Variants in B3GALT1 observed in about 807,000 individuals in gnomAD.
The protein encoded by B3GALT1 is UDP-Gal:betaGlcNAc beta 1,3-galactosyltransferase, polypeptide 1.
In B3GALT1, 10 loss-of-function variants were observed where a neutral mutation model predicts 23.2. The ratio of observed to expected loss-of-function variants is 0.43; its 90% CI spans 0.27 to 0.73. B3GALT1 has a LOEUF of 0.73. B3GALT1 is among the 30% of genes least tolerant of loss of function. The pLI is 0.21. For synonymous variants in B3GALT1, 156 were observed against 141.5 expected (o/e 1.10, Z -0.73); for missense variants, 299 against 405.4 (o/e 0.74, Z 2.25).
Position 167,757,404 on chromosome 2 carries a change from C to T in B3GALT1, c.-351-61268C>T, listed in dbSNP as rs7592482. Among the ~76,000 whole-genome samples, 874 of 152,234 alleles carry T rather than the reference C, an allele frequency of 5.7e-3. 7 individuals carry two copies. Among genetic ancestry groups the T allele is most frequent in the African/African-American group, 0.02 (829 of 41,542 alleles). On this transcript the variant is annotated intron_variant, in intron 3 of 4. Coordinates refer to ENST00000392690, the MANE Select transcript of B3GALT1 (RefSeq NM_020981.4). Reference sequence around the variant, plus strand: ...CTCAAGTTTCTGAAAGTACAGGTACCTTGCAATGTTCAATATTTGGTTAGG... The same window carrying T: ...CTCAAGTTTCTGAAAGTACAGGTACTTTGCAATGTTCAATATTTGGTTAGG...
At chr2:167,755,449 C>G (rs897889149) in intron 3 of B3GALT1, among the ~76,000 whole-genome samples, 5 of 149,522 alleles carry the variant, frequency 3.3e-5, no homozygotes, top group African/African-American at 9.8e-5. Context: ...CATTTCTTCC[C>G]GAGAATTCTA....
intron 2 of B3GALT1, among the ~76,000 whole-genome samples, chr2:167,515,566 G>C (rs1359934377): frequency 6.6e-6 from 1 of 152,100 alleles, no homozygotes; most frequent in Non-Finnish European, 1.5e-5. Context: ...CATCAGGGAT[G>C]ATGTGTTGCT....
chr2:167,438,791 C>A (rs1282542599), intron 1 of B3GALT1, among the ~76,000 whole-genome samples: 2 of 152,200 alleles, frequency 1.3e-5, no homozygotes, highest in Admixed American at 6.5e-5. Context: ...CTGTTCTCAT[C>A]CTTACTTTTC....
intron 1 of B3GALT1, among the ~76,000 whole-genome samples, chr2:167,363,836 C>A (rs1697540154): frequency 6.6e-6 from 1 of 151,968 alleles, no homozygotes; most frequent in African/African-American, 2.4e-5. Flanking sequence ...AGAGAATAAA[C>A]ACTGAATCCA....
intron 2 of B3GALT1, among the ~76,000 whole-genome samples, chr2:167,611,515 C>CA (rs1685066276): frequency 6.6e-6 from 1 of 151,810 alleles, no homozygotes. Context: ...GCATTAAACG[C>CA]AAAAACCAGC....
chr2:167,562,644 G>C (rs1405732768), intron 2 of B3GALT1, among the ~76,000 whole-genome samples: 1 of 136,106 alleles, frequency 7.3e-6, no homozygotes, highest in Admixed American at 7.6e-5. Context: ...AAAATCACAA[G>C]CATTCTTTTT....
chr2:167,404,387 A>G (rs985744613), intron 1 of B3GALT1, among the ~76,000 whole-genome samples: 1 of 152,170 alleles, frequency 6.6e-6, no homozygotes, highest in African/African-American at 2.4e-5. Context: ...ACAGAAATAC[A>G]CTGTCAAAGT....
intron 3 of B3GALT1, among the ~76,000 whole-genome samples, chr2:167,772,817 A>G (rs184159260): frequency 1.2e-4 from 18 of 152,348 alleles, no homozygotes; most frequent in African/African-American, 4.3e-4. Flanking sequence ...CTGATTAAAC[A>G]TTACTGACAC....
chr2:167,321,051 G>A (rs1389200351), intron 1 of B3GALT1, among the ~76,000 whole-genome samples: 1 of 152,006 alleles, frequency 6.6e-6, no homozygotes, highest in Non-Finnish European at 1.5e-5. Flanking sequence ...GTTAGTATGG[G>A]TTAGAAATGG....
chr2:167,716,811 G>T (rs1687153001), intron 3 of B3GALT1, among the ~76,000 whole-genome samples: 1 of 152,072 alleles, frequency 6.6e-6, no homozygotes, highest in Non-Finnish European at 1.5e-5. Flanking sequence ...TATTCATAGT[G>T]TTTATAGTGT....
intron 2 of B3GALT1, among the ~76,000 whole-genome samples, chr2:167,624,901 T>G (rs1029657389): frequency 3.3e-5 from 5 of 152,020 alleles, no homozygotes; most frequent in Non-Finnish European, 5.9e-5. Flanking sequence ...ACTGAATAGC[T>G]GTCTAAAGAT....
chr2:167,578,104 C>CT (rs1684416399), intron 2 of B3GALT1, among the ~76,000 whole-genome samples: 1 of 151,878 alleles, frequency 6.6e-6, no homozygotes, highest in Non-Finnish European at 1.5e-5. Flanking sequence ...GATTTTATTA[C>CT]TTTTTCATTT....
At position 167,322,544 on chromosome 2, in the gene B3GALT1, A is replaced by C. The variant is rs192007685; in HGVS notation, c.-511+29210A>C. On this transcript the variant is annotated intron_variant, in intron 1 of 4. Coordinates refer to ENST00000392690, the MANE Select transcript of B3GALT1 (RefSeq NM_020981.4). ...GCTGTAATAGACTAAATAATTGCACAGTTTATTTGAACGACATTTAGTAAA... is the reference window on the plus strand; with the variant it reads ...GCTGTAATAGACTAAATAATTGCACCGTTTATTTGAACGACATTTAGTAAA... 3.4e-3 allele frequency among the ~76,000 whole-genome samples: 518 copies of C among 152,158 alleles called. 4 individuals are homozygous for C. Among genetic ancestry groups the C allele is most frequent in the African/African-American group, 0.011 (471 of 41,574 alleles).
chr2:167,791,207 G>A (rs970198471), intron 3 of B3GALT1, among the ~76,000 whole-genome samples: 1 of 152,190 alleles, frequency 6.6e-6, no homozygotes, highest in Non-Finnish European at 1.5e-5. Flanking sequence ...AAAGCACAGA[G>A]AGGTTAAGTA....
intron 3 of B3GALT1, among the ~76,000 whole-genome samples, chr2:167,805,788 T>G (rs768746235): frequency 8.5e-5 from 13 of 152,216 alleles, no homozygotes; most frequent in Non-Finnish European, 1.8e-4. Context: ...TTCTTTTGGC[T>G]TAGGATTCAC....
At chr2:167,463,054 C>T (rs1699288202) in intron 1 of B3GALT1, among the ~76,000 whole-genome samples, 1 of 152,048 alleles carries the variant, frequency 6.6e-6, no homozygotes, top group Admixed American at 6.6e-5. Context: ...ACACCATAAG[C>T]CTTTTCCTGA....
intron 2 of B3GALT1, among the ~76,000 whole-genome samples, chr2:167,566,705 A>G (rs1684177697): frequency 6.6e-6 from 1 of 152,180 alleles, no homozygotes. Context: ...GGCTGAAAGC[A>G]TGCTTGAGCA....
intron 1 of B3GALT1, among the ~76,000 whole-genome samples, chr2:167,428,130 A>C (rs1358842280): frequency 6.6e-6 from 1 of 152,234 alleles, no homozygotes; most frequent in East Asian, 1.9e-4. Flanking sequence ...CTGTGGGATA[A>C]AAAAGAAAAT....
chr2:167,459,245 A>T (rs1449715677), intron 1 of B3GALT1, among the ~76,000 whole-genome samples: 1 of 152,078 alleles, frequency 6.6e-6, no homozygotes, highest in Non-Finnish European at 1.5e-5. Context: ...TGAAGTGTTG[A>T]AATTACTCTT....
Sources: gnomAD v4.1 joint callset for allele counts (sites outside exome capture counted in the v4.1 genomes callset) on GRCh38, gnomAD v4.1.1 for gene constraint, MANE v1.5 for transcripts, NCBI Gene and HGNC (gene_info 2026-07-23, HGNC 2026-07-21) for gene names.